NDUFA7: variants seen among roughly 807,000 people sequenced by gnomAD.
NDUFA7 encodes NADH:ubiquinone oxidoreductase subunit A7, also known as NADH dehydrogenase [ubiquinone] 1 alpha subcomplex subunit 7.
NDUFA7 carries 18 observed loss-of-function variants against 14.2 expected under a neutral mutation model. That is an observed-to-expected ratio of 1.27 (90% CI 0.88 to 1.88). NDUFA7 has a LOEUF of 1.88. Ranked by LOEUF, NDUFA7 falls within the 40% of genes most tolerant of loss-of-function variation. NDUFA7 has a pLI of 0.00. For synonymous variants in NDUFA7, 75 were observed against 62.1 expected (o/e 1.21, Z -0.98); for missense variants, 172 against 147.3 (o/e 1.17, Z -0.87).
intron 3 of NDUFA7, among the ~76,000 whole-genome samples, chr19:8,315,320 A>G: frequency 6.6e-6 from 1 of 152,210 alleles, no homozygotes; most frequent in Non-Finnish European, 1.5e-5. Context: ...GCCCTGTTGC[A>G]GTTGAGACAA....
chr19:8,314,960 T>C (rs1970216584), intron 3 of NDUFA7, among the ~76,000 whole-genome samples: 2 of 152,224 alleles, frequency 1.3e-5, no homozygotes, highest in Admixed American at 6.5e-5. Context: ...AGAGACTCCA[T>C]TTTAATCTGT....
intron 2 of NDUFA7, chr19:8,316,882 C>T (rs1387159355): frequency 2.0e-6 from 1 of 509,216 alleles, no homozygotes; most frequent in African/African-American, 1.9e-5. Flanking sequence ...CCCAGGGACC[C>T]CACCTGTCCC....
chr19:8,318,456 G>T (rs1970261160), intron 2 of NDUFA7, among the ~76,000 whole-genome samples: 1 of 151,874 alleles, frequency 6.6e-6, no homozygotes, highest in Non-Finnish European at 1.5e-5. Context: ...TCAGAGGCCA[G>T]GAGTTTAAGA....
At chr19:8,309,491 G>T (rs1970149368), downstream of NDUFA7, among the ~76,000 whole-genome samples, 1 of 151,776 alleles carries the variant, frequency 6.6e-6, no homozygotes, top group African/African-American at 2.4e-5. Context: ...AAAAAAAGTT[G>T]TGGTCATAAA....
Position 8,311,522 on chromosome 19 carries a change from C to G in NDUFA7, c.325G>C (p.Asp109His). Residue 109 changes from aspartate to histidine, a missense_variant, in exon 4 of 4, where the codon GAC becomes CAC. Asp to His is a moderately conservative substitution (Grantham distance 81, BLOSUM62 -1). Coordinates refer to ENST00000301457, the MANE Select transcript of NDUFA7 (RefSeq NM_005001.5). ...PPIKRWELSS[D>H]QPYL ...GTGCAGTGTCACAGGTAAGGCTGGT[C>G]CGAGGACAGCTCCCACCTCTTTATG... 1 of 1,611,360 alleles carries G rather than the reference C, an allele frequency of 6.2e-7. No individual in the cohort carries two copies. Among genetic ancestry groups the G allele is most frequent in the South Asian group, 1.1e-5 (1 of 90,792 alleles).
At chr19:8,314,754 A>G (rs1330180480) in intron 3 of NDUFA7, among the ~76,000 whole-genome samples, 1 of 152,226 alleles carries the variant, frequency 6.6e-6, no homozygotes. Flanking sequence ...TCTACTAAAA[A>G]TACAAAAACT....
At chr19:8,314,764 T>G (rs2145393439) in intron 3 of NDUFA7, among the ~76,000 whole-genome samples, 1 of 152,092 alleles carries the variant, frequency 6.6e-6, no homozygotes, top group South Asian at 2.1e-4. Flanking sequence ...ATACAAAAAC[T>G]TAGCCAGGTG....
rs1970173613 is a variant in NDUFA7 at position 8,311,299 on chromosome 19, G to A, written c.*206C>T. 4 of 377,240 alleles carry A rather than the reference G, an allele frequency of 1.1e-5. No homozygotes were observed. The highest frequency in any genetic ancestry group is 1.5e-5 in the Non-Finnish European group (3 of 206,432). The allele number at this position is 377,240 out of a possible 1,614,324, so 23.4% of individuals were successfully genotyped here. On this transcript the variant is annotated 3_prime_UTR_variant, in exon 4 of 4. Coordinates refer to ENST00000301457, the MANE Select transcript of NDUFA7 (RefSeq NM_005001.5). Reference sequence around the variant, plus strand: ...TCATGCCTGTAATCCCAGCACTTTGGGAGGTCAAGGCAGGAGGATCGCTTG... The same window carrying A: ...TCATGCCTGTAATCCCAGCACTTTGAGAGGTCAAGGCAGGAGGATCGCTTG...
chr19:8,313,359 T>C (rs1003020021), intron 3 of NDUFA7, among the ~76,000 whole-genome samples: 1 of 151,828 alleles, frequency 6.6e-6, no homozygotes, highest in Admixed American at 6.6e-5. Flanking sequence ...GCCTCCCGAA[T>C]AGCTGGGACT....
chr19:8,312,334 C>T (rs1195226630), intron 3 of NDUFA7, among the ~76,000 whole-genome samples: 1 of 152,092 alleles, frequency 6.6e-6, no homozygotes, highest in Non-Finnish European at 1.5e-5. Context: ...CCAGGAGCCT[C>T]AAGGAAATGG....
At chr19:8,316,462 G>A (rs760613363) in intron 3 of NDUFA7, 34 bp downstream of exon 3, 1 of 1,609,322 alleles carries the variant, frequency 6.2e-7, no homozygotes, top group Admixed American at 1.7e-5. Context: ...GAGGGGGCAT[G>A]GGGGCTGTGG....
At chr19:8,309,115 A>T (rs752649769), downstream of NDUFA7, among the ~76,000 whole-genome samples, 8 of 151,886 alleles carry the variant, frequency 5.3e-5, no homozygotes, top group Non-Finnish European at 7.4e-5. Context: ...CCAGCTACTC[A>T]GGAGGCTGAG....
At chr19:8,310,973 C>T (rs745491544), downstream of NDUFA7, among the ~76,000 whole-genome samples, 1 of 152,102 alleles carries the variant, frequency 6.6e-6, no homozygotes, top group Admixed American at 6.6e-5. Flanking sequence ...GAGATCGTGC[C>T]GTTGCGTTCC....
intron 1 of NDUFA7, 172 bp downstream of exon 1, chr19:8,321,119 ATCCCAGGCCTGAGTGGT>A: frequency 1.1e-6 from 1 of 898,096 alleles, no homozygotes; most frequent in Non-Finnish European, 1.7e-6. Context: ...GACTGGGGAA[ATCCCAGGCCTGAGTGGT>A]TCCCAGGCCA....
intron 3 of NDUFA7, 83 bp downstream of exon 3, chr19:8,316,413 G>C (rs1300596073): frequency 6.4e-7 from 1 of 1,554,880 alleles, no homozygotes; most frequent in South Asian, 1.2e-5. Context: ...ATCTTGACAA[G>C]CACCCTTTCC....
At chr19:8,310,429 CAA>C (rs965963920), downstream of NDUFA7, 5 of 142,620 alleles carry the variant, frequency 3.5e-5, no homozygotes, top group Non-Finnish European at 6.1e-5. Flanking sequence ...AACTCTGTCT[CAA>C]AAAAAAAAAA....
At chr19:8,313,358 A>C (rs1970199998) in intron 3 of NDUFA7, among the ~76,000 whole-genome samples, 1 of 151,572 alleles carries the variant, frequency 6.6e-6, no homozygotes, top group Admixed American at 6.6e-5. Flanking sequence ...AGCCTCCCGA[A>C]TAGCTGGGAC....
intron 2 of NDUFA7, among the ~76,000 whole-genome samples, chr19:8,318,199 A>G (rs1970258263): frequency 1.3e-5 from 2 of 151,390 alleles, no homozygotes; most frequent in Admixed American, 1.3e-4. Flanking sequence ...CGCCCAGGCT[A>G]GAGTGCTGTG....
downstream of NDUFA7, among the ~76,000 whole-genome samples, chr19:8,309,708 C>T (rs561180738): frequency 1.3e-5 from 2 of 152,240 alleles, no homozygotes; most frequent in Admixed American, 6.5e-5. Context: ...TGCCTGTAGC[C>T]GTGGCCTTTC....
Sources: gnomAD v4.1 joint callset for allele counts (sites outside exome capture counted in the v4.1 genomes callset) on GRCh38, gnomAD v4.1.1 for gene constraint, MANE v1.5 for transcripts, NCBI Gene and HGNC (gene_info 2026-07-23, HGNC 2026-07-21) for gene names.